TAFA5: variants seen among roughly 807,000 people sequenced by gnomAD.
TAFA5 encodes the protein TAFA chemokine like family member 5, also known as chemokine-like protein TAFA-5.
In TAFA5, 6 loss-of-function variants were observed where a neutral mutation model predicts 15.3. That is an observed-to-expected ratio of 0.39 (90% CI 0.21 to 0.77). The LOEUF is 0.77. Ranked by LOEUF, TAFA5 falls within the 30% of genes least tolerant of loss-of-function variation. The probability of loss-of-function intolerance (pLI) is 0.41; values close to 1 mark genes in which losing one functional copy is unlikely to be tolerated. For missense variants in TAFA5, 161 were observed against 193.1 expected (o/e 0.83, Z 0.98); for synonymous variants, 103 against 80.7 (o/e 1.28, Z -1.48).
In TAFA5 at chr22:48,683,354, C is replaced by T. The variant is rs950065614; in HGVS notation, c.263-24363C>T. 1.2e-4 allele frequency among the ~76,000 whole-genome samples: 19 copies of T among 152,344 alleles called. No homozygotes were observed. In the South Asian group the frequency reaches 2.1e-3, roughly 17 times the overall value. On this transcript the variant is annotated intron_variant, in intron 2 of 3. Transcript: ENST00000402357. ...TAGCTGGGGGCCGGTGGTGAGAGAG[C>T]GCCAGGTACGGCACTTGCTGGGCAC...
chr22:48,510,874 C>T (rs1601841123), intron 1 of TAFA5, among the ~76,000 whole-genome samples: 2 of 152,254 alleles, frequency 1.3e-5, no homozygotes, highest in East Asian at 3.8e-4. Context: ...GACTTCCTTC[C>T]CACACTCAAA....
At chr22:48,682,616 A>G (rs113138240) in intron 2 of TAFA5, among the ~76,000 whole-genome samples, 6 of 152,086 alleles carry the variant, frequency 3.9e-5, no homozygotes, top group African/African-American at 1.4e-4. Flanking sequence ...AGTCATTGTC[A>G]CTGTATTGAC....
At chr22:48,709,453 C>T (rs370596755) in intron 3 of TAFA5, among the ~76,000 whole-genome samples, 91 of 152,270 alleles carry the variant, frequency 6.0e-4, no homozygotes, top group African/African-American at 2.1e-3. Context: ...TCCAGCAACA[C>T]AAACAGCAGG....
At chr22:48,548,563 T>C (rs6008754) in intron 1 of TAFA5, among the ~76,000 whole-genome samples, 14,698 of 152,158 alleles carry the variant, frequency 0.097, 1,418 homozygotes, top group East Asian at 0.24. Flanking sequence ...CTCCAGGCTC[T>C]GGGGCAGGGG....
chr22:48,638,891 AC>A lies in TAFA5; in HGVS notation c.113-7697del, dbSNP rs58018796. Among the ~76,000 whole-genome samples, 703 of 92,744 alleles carry A rather than the reference AC, an allele frequency of 7.6e-3. 19 individuals carry two copies. The highest frequency in any genetic ancestry group is 0.018 in the African/African-American group (350 of 19,524). 60.8% of individuals were successfully genotyped at this position (92,744 alleles called of 152,430 possible). ...CCCTGGGACACCGCACACAGGCGGG[AC>A]CCCCCCCCATCCCCCGACACTAAGC... On this transcript the variant is annotated intron_variant, in intron 1 of 3. Transcript: ENST00000402357.
chr22:48,682,199 G>A (rs1401858498), intron 2 of TAFA5, among the ~76,000 whole-genome samples: 2 of 152,150 alleles, frequency 1.3e-5, no homozygotes, highest in Non-Finnish European at 2.9e-5. Context: ...ACCAGCAGCT[G>A]GCAGGAATGC....
At chr22:48,612,499 G>A (rs1925445521) in intron 1 of TAFA5, among the ~76,000 whole-genome samples, 1 of 152,108 alleles carries the variant, frequency 6.6e-6, no homozygotes, top group Non-Finnish European at 1.5e-5. Flanking sequence ...CTGGGCACAG[G>A]TGGCCTCGTC....
intron 2 of TAFA5, among the ~76,000 whole-genome samples, chr22:48,678,390 A>C (rs962298008): frequency 1.3e-5 from 2 of 152,224 alleles, no homozygotes; most frequent in Non-Finnish European, 2.9e-5. Flanking sequence ...GCAAAGACAC[A>C]GGCCTCAAAT....
intron 1 of TAFA5, among the ~76,000 whole-genome samples, chr22:48,641,596 A>T (rs553817527): frequency 1.2e-4 from 2 of 17,046 alleles, no homozygotes; most frequent in East Asian, 3.3e-3. Flanking sequence ...CCTCCACCCC[A>T]CACGCCCTCC....
At chr22:48,500,967 C>T (rs576259918) in intron 1 of TAFA5, among the ~76,000 whole-genome samples, 2 of 152,240 alleles carry the variant, frequency 1.3e-5, no homozygotes, top group African/African-American at 2.4e-5. Flanking sequence ...GGTCATCTCC[C>T]GCTGACTGCC....
chr22:48,717,969 G>T (rs890641249), intron 3 of TAFA5, among the ~76,000 whole-genome samples: 1 of 152,230 alleles, frequency 6.6e-6, no homozygotes, highest in Non-Finnish European at 1.5e-5. Context: ...TCTGTCCTGC[G>T]TGTGGTGGGG....
At chr22:48,731,774 G>C (rs1042098854) in intron 3 of TAFA5, among the ~76,000 whole-genome samples, 4 of 152,228 alleles carry the variant, frequency 2.6e-5, no homozygotes, top group African/African-American at 9.6e-5. Flanking sequence ...CTCGGATGGA[G>C]ATGTTCCAGG....
Position 48,530,845 on chromosome 22 carries a change from CG to C in TAFA5, c.112+41142del, listed in dbSNP as rs2147112628. Among the ~76,000 whole-genome samples, 1 of 152,206 alleles carries C rather than the reference CG, an allele frequency of 6.6e-6. No homozygotes were observed. The highest frequency in any genetic ancestry group is 1.5e-5 in the Non-Finnish European group (1 of 68,010). Reference sequence around the variant, plus strand: ...CCCCAGTGCGTGTGGCTATGGGCTTCGACAAAGCAGGGGAGAAATGTCCCTC... The same window carrying C: ...CCCCAGTGCGTGTGGCTATGGGCTTCACAAAGCAGGGGAGAAATGTCCCTC... On this transcript the variant is annotated intron_variant, in intron 1 of 3. Coordinates refer to ENST00000402357, the MANE Select transcript of TAFA5 (RefSeq NM_001082967.3). This position sits in a 1 kb window ranked among gnomAD's most constrained non-coding sequence, Gnocchi z 6.0.
intron 2 of TAFA5, among the ~76,000 whole-genome samples, chr22:48,707,401 A>G (rs1286032303): frequency 1.3e-5 from 2 of 151,956 alleles, no homozygotes; most frequent in African/African-American, 2.4e-5. Context: ...CAGACAAGAG[A>G]CAGTGAGGCA....
chr22:48,623,775 C>T (rs1352344643), intron 1 of TAFA5, among the ~76,000 whole-genome samples: 1 of 152,256 alleles, frequency 6.6e-6, no homozygotes, highest in East Asian at 1.9e-4. Context: ...GTATTTCCTA[C>T]AGATACTTTA....
intron 1 of TAFA5, among the ~76,000 whole-genome samples, chr22:48,638,817 C>T (rs868697648): frequency 2.6e-4 from 37 of 143,250 alleles, no homozygotes; most frequent in African/African-American, 2.2e-4. Context: ...GGGGGGACCC[C>T]GACACTAAGC....
intron 1 of TAFA5, among the ~76,000 whole-genome samples, chr22:48,594,526 A>G (rs929707410): frequency 6.6e-6 from 1 of 152,206 alleles, no homozygotes; most frequent in Non-Finnish European, 1.5e-5. Context: ...GCCTGAAAAC[A>G]GGGCAGTGCA....
intron 1 of TAFA5, among the ~76,000 whole-genome samples, chr22:48,533,699 TG>T (rs1922050022): frequency 6.6e-6 from 1 of 152,228 alleles, no homozygotes; most frequent in Non-Finnish European, 1.5e-5. Context: ...CTGGGCATCT[TG>T]GTCCCTGGCC....
At chr22:48,665,493 T>G (rs1325716264) in intron 2 of TAFA5, among the ~76,000 whole-genome samples, 3 of 152,182 alleles carry the variant, frequency 2.0e-5, no homozygotes, top group African/African-American at 7.2e-5. Flanking sequence ...CTCGCGTTCT[T>G]GTCCCAGCTT....
Sources: allele counts gnomAD v4.1 joint callset (sites outside exome capture counted in the v4.1 genomes callset), GRCh38; gene constraint gnomAD v4.1.1; non-coding constraint Gnocchi (gnomAD v3.1); transcripts MANE v1.5; gene names NCBI Gene and HGNC (gene_info 2026-07-23, HGNC 2026-07-21).